Variants in NLGN1 observed in about 807,000 individuals in gnomAD.
The protein encoded by NLGN1 is neuroligin-1.
In NLGN1, 12 loss-of-function variants were observed where a neutral mutation model predicts 65.5. The ratio of observed to expected loss-of-function variants is 0.18; its 90% CI spans 0.12 to 0.30. The LOEUF is 0.30. NLGN1 is among the 10% of genes least tolerant of loss of function. The probability of loss-of-function intolerance (pLI) is 1.00; values close to 1 mark genes in which losing one functional copy is unlikely to be tolerated. For synonymous variants in NLGN1, 350 were observed against 359.5 expected, an observed-to-expected ratio of 0.97 and a Z score of 0.30; for missense variants, 750 against 1,007.1, an observed-to-expected ratio of 0.74 and a Z score of 3.46.
At chr3:173,620,189 T>C (rs1269817211) in intron 3 of NLGN1, among the ~76,000 whole-genome samples, 1 of 152,100 alleles carries the variant, frequency 6.6e-6, no homozygotes, top group Non-Finnish European at 1.5e-5. Context: ...AGGGAATAAC[T>C]AGAAGTTCAG....
At chr3:174,294,124 C>T in the NLGN1 span, among the ~76,000 whole-genome samples, 21 of 151,724 alleles carry the variant, frequency 1.4e-4, 1 homozygote, top group East Asian at 3.9e-3. Flanking sequence ...TTTCCCTACC[C>T]TCTAACCAAA....
intron 4 of NLGN1, among the ~76,000 whole-genome samples, chr3:174,095,010 C>T (rs897158267): frequency 6.6e-6 from 1 of 151,914 alleles, no homozygotes; most frequent in Non-Finnish European, 1.5e-5. Context: ...GCCATTGTAT[C>T]AAATGTTTTG....
In NLGN1 at chr3:173,962,186, G is replaced by A. The variant is rs534044063; in HGVS notation, c.646+154354G>A. The stretch of plus-strand genomic sequence containing the variant: ...TATTTTTAGTCTGCCTTCATCAAAA[G>A]TTGGCAGGATTTCCTTCCACAGTCT... On this transcript the variant is annotated intron_variant, in intron 4 of 6. Coordinates refer to ENST00000457714, the Ensembl canonical transcript of NLGN1. 1.6e-4 allele frequency among the ~76,000 whole-genome samples: 24 copies of A among 152,204 alleles called. No homozygotes were observed. In the South Asian group the frequency reaches 1.7e-3, roughly 11 times the overall value.
chr3:173,942,675 C>A (rs1746371134), intron 4 of NLGN1, among the ~76,000 whole-genome samples: 1 of 137,040 alleles, frequency 7.3e-6, no homozygotes. Context: ...GTGAAACTTT[C>A]TGATGCCTAT....
intron 2 of NLGN1, among the ~76,000 whole-genome samples, chr3:173,575,922 A>C (rs1054252643): frequency 2.6e-5 from 4 of 152,090 alleles, no homozygotes; most frequent in Non-Finnish European, 2.9e-5. Context: ...ATAATATATA[A>C]AATTTTCTTT....
chr3:173,941,578 A>G (rs560323268), intron 4 of NLGN1, among the ~76,000 whole-genome samples: 1 of 152,214 alleles, frequency 6.6e-6, no homozygotes, highest in African/African-American at 2.4e-5. Context: ...AAAACGCATT[A>G]TTATGCTGGA....
At chr3:173,881,768 C>T (rs1387430631) in intron 4 of NLGN1, among the ~76,000 whole-genome samples, 2 of 152,090 alleles carry the variant, frequency 1.3e-5, no homozygotes, top group Non-Finnish European at 2.9e-5. Context: ...GGAGTCTTGA[C>T]CTCTCAGAGT....
At chr3:173,927,859 C>T (rs1253804716) in intron 4 of NLGN1, among the ~76,000 whole-genome samples, 1 of 152,062 alleles carries the variant, frequency 6.6e-6, no homozygotes, top group Non-Finnish European at 1.5e-5. Flanking sequence ...TGCAGAGGGC[C>T]CTGTGATCCC....
intron 3 of NLGN1, among the ~76,000 whole-genome samples, chr3:173,653,917 A>G (rs1163055862): frequency 6.6e-6 from 1 of 152,144 alleles, no homozygotes; most frequent in Non-Finnish European, 1.5e-5. Flanking sequence ...TACAAGCCAC[A>G]TGAACAGGAG....
chr3:173,882,506 G>C (rs946289107), intron 4 of NLGN1, among the ~76,000 whole-genome samples: 1 of 152,204 alleles, frequency 6.6e-6, no homozygotes, highest in Non-Finnish European at 1.5e-5. Context: ...TGGATAACTT[G>C]CTACAGCATC....
intron 4 of NLGN1, among the ~76,000 whole-genome samples, chr3:174,063,660 T>G (rs905598404): frequency 6.6e-6 from 1 of 151,936 alleles, no homozygotes; most frequent in Non-Finnish European, 1.5e-5. Flanking sequence ...GCAAAAATGG[T>G]AATGTGTGTA....
intron 4 of NLGN1, among the ~76,000 whole-genome samples, chr3:173,852,182 CT>C (rs1727069976): frequency 6.6e-6 from 1 of 150,918 alleles, no homozygotes; most frequent in Non-Finnish European, 1.5e-5. Flanking sequence ...CGGTGAAACC[CT>C]GTCTCTACTA....
At chr3:173,763,352 T>C (rs975905074) in intron 3 of NLGN1, among the ~76,000 whole-genome samples, 4 of 152,124 alleles carry the variant, frequency 2.6e-5, no homozygotes, top group Non-Finnish European at 4.4e-5. Flanking sequence ...TTAACAAATA[T>C]TTATTTACAT....
At chr3:173,799,037 T>C (rs1216723786) in intron 3 of NLGN1, among the ~76,000 whole-genome samples, 1 of 152,050 alleles carries the variant, frequency 6.6e-6, no homozygotes, top group Non-Finnish European at 1.5e-5. Flanking sequence ...AATCTTTCCC[T>C]ATGAAGTGTG....
chr3:174,074,454 G>A (rs981927), intron 4 of NLGN1, among the ~76,000 whole-genome samples: 30,815 of 151,944 alleles, frequency 0.2, 4,015 homozygotes, highest in African/African-American at 0.38. Context: ...TTATAGTAAT[G>A]ACCAACTACA....
intron 3 of NLGN1, among the ~76,000 whole-genome samples, chr3:173,804,982 C>CGAT (rs1185725016): frequency 6.6e-6 from 1 of 152,090 alleles, no homozygotes; most frequent in African/African-American, 2.4e-5. Flanking sequence ...GTTGAGATCA[C>CGAT]GCCACTGCAC....
chr3:173,837,973 A>G (rs1723984086), intron 4 of NLGN1, among the ~76,000 whole-genome samples: 1 of 152,216 alleles, frequency 6.6e-6, no homozygotes, highest in Non-Finnish European at 1.5e-5. Context: ...TTGAAGTTTT[A>G]CAAATGGCAC....
At chr3:174,091,609 CAT>C (rs1241582769) in intron 4 of NLGN1, among the ~76,000 whole-genome samples, 1 of 152,122 alleles carries the variant, frequency 6.6e-6, no homozygotes, top group African/African-American at 2.4e-5. Context: ...TGTTTTTAAA[CAT>C]AGGTTGATGA....
At chr3:174,187,107 A>G (rs1048474152) in intron 4 of NLGN1, among the ~76,000 whole-genome samples, 4 of 151,778 alleles carry the variant, frequency 2.6e-5, no homozygotes, top group Admixed American at 6.6e-5. Context: ...TTCTATTTGT[A>G]TTATTTTTAT....
Sources: gnomAD v4.1 joint callset for allele counts (sites outside exome capture counted in the v4.1 genomes callset) on GRCh38, gnomAD v4.1.1 for gene constraint, MANE v1.5 for transcripts, NCBI Gene and HGNC (gene_info 2026-07-23, HGNC 2026-07-21) for gene names.